The following FBXL13 variants were observed in gnomAD, a reference collection of about 807,000 sequenced individuals.
The protein encoded by FBXL13 is F-box and leucine rich repeat protein 13.
FBXL13 carries 67 observed loss-of-function variants against 83.6 expected under a neutral mutation model. That is an observed-to-expected ratio of 0.80 (90% CI 0.66 to 0.98). The LOEUF (loss-of-function observed/expected upper bound fraction) is 0.98. Among genes scored for constraint, FBXL13 ranks in the 50% least tolerant of loss-of-function variants. The pLI is 0.00. For missense variants in FBXL13, 822 were observed against 866.5 expected, an observed-to-expected ratio of 0.95 and a Z score of 0.64; for synonymous variants, 272 against 299.5, an observed-to-expected ratio of 0.91 and a Z score of 0.95.
At chr7:102,920,944 GAGTTCGAGA>G (rs1584943503) in intron 10 of FBXL13, among the ~76,000 whole-genome samples, 1 of 152,020 alleles carries the variant, frequency 6.6e-6, no homozygotes, top group Non-Finnish European at 1.5e-5. Flanking sequence ...ACGAGGTCAG[GAGTTCGAGA>G]CCGGCCTGGC....
chr7:102,899,536 G>A (rs905948213), intron 11 of FBXL13, among the ~76,000 whole-genome samples: 24 of 152,188 alleles, frequency 1.6e-4, no homozygotes, highest in Admixed American at 1.5e-3. Flanking sequence ...AACTCAGGGA[G>A]CACAGAATCT....
intron 8 of FBXL13, among the ~76,000 whole-genome samples, chr7:102,950,634 TA>T (rs1333306430): frequency 2.0e-5 from 3 of 152,132 alleles, no homozygotes; most frequent in African/African-American, 7.2e-5. Flanking sequence ...GGTGAATTAA[TA>T]AACTGTGGTA....
In FBXL13 at chr7:102,813,328, C is replaced by A. The variant is rs1797563458; in HGVS notation, c.*14G>T. The A allele has an allele frequency of 2.5e-6, 4 of 1,577,996 alleles. No homozygotes were observed. The South Asian group carries it at 4.7e-5, about 18-fold the overall frequency. ...AGTTCTTGATTTTTTGTTCTTCCTG[C>A]TTGAGGCTGAAGGTCACGCTGCTTG... On this transcript the variant is annotated 3_prime_UTR_variant, in exon 20 of 20. Transcript: ENST00000313221.
chr7:103,060,468 G>C (rs1797798260), intron 1 of FBXL13, among the ~76,000 whole-genome samples: 1 of 152,176 alleles, frequency 6.6e-6, no homozygotes. Flanking sequence ...AGTCCAGTGT[G>C]ATGACTGAGA....
intron 14 of FBXL13, among the ~76,000 whole-genome samples, chr7:102,879,789 C>A (rs1809774236): frequency 6.6e-6 from 1 of 152,204 alleles, no homozygotes; most frequent in Non-Finnish European, 1.5e-5. Flanking sequence ...TCACTACAAG[C>A]TCTGCCTCCT....
chr7:103,038,905 C>T (rs764318560), intron 2 of FBXL13, among the ~76,000 whole-genome samples: 17 of 152,150 alleles, frequency 1.1e-4, no homozygotes, highest in Non-Finnish European at 2.2e-4. Context: ...AGACACAGGG[C>T]CTATTCTCTT....
chr7:103,040,594 T>C (rs1031384812), intron 2 of FBXL13, among the ~76,000 whole-genome samples: 3 of 152,154 alleles, frequency 2.0e-5, no homozygotes, highest in African/African-American at 7.2e-5. Flanking sequence ...CCTCACCAGA[T>C]GTAAAAGAAC....
chr7:102,952,812 C>T (rs1234341306), intron 8 of FBXL13, among the ~76,000 whole-genome samples: 4 of 151,990 alleles, frequency 2.6e-5, no homozygotes, highest in South Asian at 4.1e-4. Flanking sequence ...GGCAAAACCC[C>T]GTCTCTACTC....
chr7:102,885,607 A>C (rs957660080), intron 11 of FBXL13, among the ~76,000 whole-genome samples: 4 of 152,096 alleles, frequency 2.6e-5, no homozygotes, highest in African/African-American at 9.7e-5. Context: ...CGATGCATAA[A>C]CACTTTTAAG....
At chr7:103,065,129 A>G (rs1011305888) in intron 1 of FBXL13, among the ~76,000 whole-genome samples, 15 of 152,212 alleles carry the variant, frequency 9.9e-5, no homozygotes, top group African/African-American at 3.6e-4. Flanking sequence ...ACACAGCCAA[A>G]TCAAATCTGT....
intron 11 of FBXL13, among the ~76,000 whole-genome samples, chr7:102,900,306 A>G (rs994403462): frequency 1.3e-5 from 2 of 152,192 alleles, no homozygotes; most frequent in Non-Finnish European, 2.9e-5. Flanking sequence ...AGGCTGTTTT[A>G]TTCATCGCAG....
chr7:102,931,719 G>A lies in FBXL13; in HGVS notation c.777+162C>T, dbSNP rs79280122. ...ATACATCTACATGATTAATATTAGC[G>A]TTGTGCAGATGGAGTAAAATTTCTT... On this transcript the variant is annotated intron_variant, in intron 9 of 19. Transcript: ENST00000313221. Among the ~76,000 whole-genome samples, 576 of 152,280 alleles carry A rather than the reference G, an allele frequency of 3.8e-3. 5 individuals carry two copies. The highest frequency in any genetic ancestry group is 0.014 in the African/African-American group (562 of 41,554).
At chr7:102,861,505 C>A (rs1193586779) in intron 16 of FBXL13, among the ~76,000 whole-genome samples, 1 of 152,008 alleles carries the variant, frequency 6.6e-6, no homozygotes, top group East Asian at 1.9e-4. Flanking sequence ...TGCTGTTGGG[C>A]CACTTGGTTC....
intron 1 of FBXL13, among the ~76,000 whole-genome samples, chr7:103,066,639 C>A (rs1030325235): frequency 6.6e-6 from 1 of 151,982 alleles, no homozygotes; most frequent in African/African-American, 2.4e-5. Context: ...ATGATCCACC[C>A]GCCTCAGCCT....
At chr7:102,846,453 T>C (rs1803973817) in intron 17 of FBXL13, among the ~76,000 whole-genome samples, 1 of 152,038 alleles carries the variant, frequency 6.6e-6, no homozygotes, top group Non-Finnish European at 1.5e-5. Context: ...ACACCATCTC[T>C]ACTAAAAATA....
At chr7:102,945,737 A>T (rs1388524678) in intron 8 of FBXL13, among the ~76,000 whole-genome samples, 1 of 152,216 alleles carries the variant, frequency 6.6e-6, no homozygotes, top group Non-Finnish European at 1.5e-5. Flanking sequence ...TTTTCCTTTT[A>T]ATATACATTT....
intron 6 of FBXL13, among the ~76,000 whole-genome samples, chr7:102,996,678 T>C (rs1451345705): frequency 6.6e-6 from 1 of 152,176 alleles, no homozygotes; most frequent in Non-Finnish European, 1.5e-5. Flanking sequence ...TGGGGAAACT[T>C]TGGATTTCCT....
intron 2 of FBXL13, among the ~76,000 whole-genome samples, 185 bp from the exon 3 acceptor site, chr7:103,055,363 T>TC (rs1387174129): frequency 1.3e-5 from 2 of 152,142 alleles, no homozygotes; most frequent in Non-Finnish European, 2.9e-5. Flanking sequence ...TTTTGCTGTG[T>TC]CCCCCAAAGG....
intron 6 of FBXL13, among the ~76,000 whole-genome samples, chr7:103,008,810 G>A (rs1402304207): frequency 2.0e-5 from 3 of 152,062 alleles, no homozygotes; most frequent in Non-Finnish European, 2.9e-5. Flanking sequence ...TGCCCACCTC[G>A]GCCTCCCAAA....
Sources: gnomAD v4.1 joint callset for allele counts (sites outside exome capture counted in the v4.1 genomes callset) on GRCh38, gnomAD v4.1.1 for gene constraint, MANE v1.5 for transcripts, NCBI Gene and HGNC (gene_info 2026-07-23, HGNC 2026-07-21) for gene names.